CNBD1: variants seen among roughly 807,000 people sequenced by gnomAD.
The protein encoded by CNBD1 is cyclic nucleotide binding domain containing 1, also known as cyclic nucleotide-binding domain-containing protein 1.
Under a neutral mutation model 54.4 loss-of-function variants are expected in CNBD1, and 71 were observed. The observed-to-expected ratio is 1.30, with a 90% CI of 1.08 to 1.59. The LOEUF (loss-of-function observed/expected upper bound fraction) is 1.59. Among genes scored for constraint, CNBD1 ranks in the 40% most tolerant of loss-of-function variants. CNBD1 has a pLI of 0.00. For synonymous variants in CNBD1, 182 were observed against 170.7 expected (o/e 1.07, Z -0.51); for missense variants, 659 against 518.0 (o/e 1.27, Z -2.64).
chr8:87,048,932 A>T (rs1471438672), intron 4 of CNBD1, among the ~76,000 whole-genome samples: 1 of 152,194 alleles, frequency 6.6e-6, no homozygotes, highest in Non-Finnish European at 1.5e-5. Flanking sequence ...ATCCCCACCT[A>T]GGTGAAAGGT....
intron 4 of CNBD1, among the ~76,000 whole-genome samples, chr8:87,110,877 T>C (rs1327944555): frequency 1.3e-5 from 2 of 152,214 alleles, no homozygotes; most frequent in Non-Finnish European, 2.9e-5. Context: ...GTCAGATCAA[T>C]AGCTTCATGT....
intron 8 of CNBD1, among the ~76,000 whole-genome samples, chr8:87,295,848 A>G (rs1483905305): frequency 6.6e-6 from 1 of 152,112 alleles, no homozygotes; most frequent in Non-Finnish European, 1.5e-5. Context: ...TTTTTTCTCT[A>G]AGCAAACCAA....
At chr8:87,412,984 G>A (rs541782710) in intron 2 of CNBD1, among the ~76,000 whole-genome samples, 1 of 152,164 alleles carries the variant, frequency 6.6e-6, no homozygotes, top group South Asian at 2.1e-4. Context: ...AGATAAGCTA[G>A]TAATTGATAT....
chr8:87,103,213 G>T (rs1321739316), intron 4 of CNBD1, among the ~76,000 whole-genome samples: 1 of 152,158 alleles, frequency 6.6e-6, no homozygotes, highest in East Asian at 1.9e-4. Flanking sequence ...CCAAGAAGAG[G>T]TATGGTGAGT....
chr8:86,888,183 A>G (rs547346867), intron 2 of CNBD1, among the ~76,000 whole-genome samples: 2 of 152,266 alleles, frequency 1.3e-5, no homozygotes, highest in Admixed American at 1.3e-4. Flanking sequence ...CTGTTGAGGA[A>G]GGCCTTAGGT....
At chr8:87,308,571 A>T (rs1374618173) in intron 8 of CNBD1, among the ~76,000 whole-genome samples, 2 of 152,122 alleles carry the variant, frequency 1.3e-5, no homozygotes, top group Non-Finnish European at 2.9e-5. Context: ...AATCTCAAAC[A>T]TTTGTTATTT....
intron 6 of CNBD1, among the ~76,000 whole-genome samples, chr8:87,279,410 A>G (rs996357491): frequency 1.4e-4 from 21 of 151,448 alleles, no homozygotes; most frequent in African/African-American, 5.1e-4. Context: ...AAGCAAATAT[A>G]CATTAAACGT....
chr8:87,158,280 G>T (rs1178492999), intron 4 of CNBD1, among the ~76,000 whole-genome samples: 1 of 152,082 alleles, frequency 6.6e-6, no homozygotes, highest in East Asian at 1.9e-4. Context: ...ATTCATAATA[G>T]GGTCTACTGT....
chr8:87,072,969 T>C (rs543056925), intron 4 of CNBD1, among the ~76,000 whole-genome samples: 148 of 152,274 alleles, frequency 9.7e-4, no homozygotes, highest in Middle Eastern at 3.4e-3. Flanking sequence ...TTGGTGTCTT[T>C]ACATAATTCC....
intron 5 of CNBD1, among the ~76,000 whole-genome samples, chr8:87,213,134 T>C (rs969323964): frequency 6.6e-6 from 1 of 152,114 alleles, no homozygotes; most frequent in Non-Finnish European, 1.5e-5. Context: ...CAATTCCAAA[T>C]AAAAATTACA....
At chr8:87,312,153 G>A (rs1809279850) in intron 8 of CNBD1, among the ~76,000 whole-genome samples, 1 of 151,938 alleles carries the variant, frequency 6.6e-6, no homozygotes, top group Admixed American at 6.6e-5. Context: ...TCCTCTGAAA[G>A]GTGCAAATTG....
Position 87,342,467 on chromosome 8 carries a change from T to C in CNBD1, c.1043-9218T>C, listed in dbSNP as rs140010246. Among the ~76,000 whole-genome samples the C allele has an allele frequency of 3.8e-3, 585 of 152,288 alleles. 6 individuals are homozygous for C. Among genetic ancestry groups the C allele is most frequent in the African/African-American group, 0.013 (561 of 41,570 alleles). ...GTTATTTTAAAATTATTTTAGAAAA[T>C]GTAATTATGTTATCTAATTATGAAA... On this transcript the variant is annotated intron_variant, in intron 8 of 10. Coordinates refer to ENST00000518476, the MANE Select transcript of CNBD1 (RefSeq NM_173538.3).
intron 4 of CNBD1, among the ~76,000 whole-genome samples, chr8:87,116,195 C>CTTTTTTTTTTTTTT (rs71556428): frequency 1.3e-5 from 1 of 74,528 alleles, no homozygotes; most frequent in Non-Finnish European, 2.4e-5. Flanking sequence ...ATTCTCATGT[C>CTTTTTTTTTTTTTT]TTTTTTTTTT....
chr8:86,955,637 A>G (rs1168947605), intron 4 of CNBD1, among the ~76,000 whole-genome samples: 4 of 152,160 alleles, frequency 2.6e-5, no homozygotes, highest in African/African-American at 9.7e-5. Flanking sequence ...TCTTCTTTTG[A>G]GAAGTGTCTC....
chr8:87,408,913 C>A (rs1807694830), intron 2 of CNBD1, among the ~76,000 whole-genome samples: 1 of 152,046 alleles, frequency 6.6e-6, no homozygotes, highest in Non-Finnish European at 1.5e-5. Flanking sequence ...ACTCCCTCAC[C>A]AGTTTGTCAT....
At chr8:86,920,882 T>C (rs1331390485) in intron 3 of CNBD1, among the ~76,000 whole-genome samples, 1 of 43,232 alleles carries the variant, frequency 2.3e-5, no homozygotes, top group African/African-American at 5.4e-5. Flanking sequence ...GTAATACTCA[T>C]TTTTTTTTCC....
At chr8:87,214,720 A>C (rs1299257041) in intron 5 of CNBD1, among the ~76,000 whole-genome samples, 1 of 152,232 alleles carries the variant, frequency 6.6e-6, no homozygotes, top group African/African-American at 2.4e-5. Flanking sequence ...GGCAGAGGGC[A>C]AAGTTGAAGC....
At chr8:87,245,948 A>G (rs1437513072) in intron 6 of CNBD1, among the ~76,000 whole-genome samples, 2 of 152,076 alleles carry the variant, frequency 1.3e-5, no homozygotes, top group Non-Finnish European at 2.9e-5. Context: ...AGTACATACT[A>G]TATGCCCATT....
chr8:87,271,941 A>T (rs758816537), intron 6 of CNBD1, among the ~76,000 whole-genome samples: 2 of 151,974 alleles, frequency 1.3e-5, no homozygotes, highest in East Asian at 3.9e-4. Context: ...AAATAAAATC[A>T]TGTCAACTGC....
Sources: allele counts gnomAD v4.1 joint callset (sites outside exome capture counted in the v4.1 genomes callset), GRCh38; gene constraint gnomAD v4.1.1; transcripts MANE v1.5; gene names NCBI Gene and HGNC (gene_info 2026-07-23, HGNC 2026-07-21).